Variants in SENP5 observed in about 807,000 individuals in gnomAD.
SENP5 encodes the protein SUMO specific peptidase 5, also known as sentrin-specific protease 5.
SENP5 carries 21 observed loss-of-function variants against 74.2 expected under a neutral mutation model. That is an observed-to-expected ratio of 0.28 (90% CI 0.20 to 0.41). The LOEUF is 0.41. Among genes scored for constraint, SENP5 ranks in the 10% least tolerant of loss-of-function variants. The probability of loss-of-function intolerance (pLI) is 1.00; values close to 1 mark genes in which losing one functional copy is unlikely to be tolerated. For missense variants in SENP5, 717 were observed against 889.1 expected, an observed-to-expected ratio of 0.81 and a Z score of 2.46; for synonymous variants, 311 against 312.7, an observed-to-expected ratio of 0.99 and a Z score of 0.06.
At chr3:196,929,898 G>T (rs1206106794) in intron 9 of SENP5, among the ~76,000 whole-genome samples, 3 of 151,802 alleles carry the variant, frequency 2.0e-5, no homozygotes, top group Non-Finnish European at 4.4e-5. Context: ...GTGAAGTGTG[G>T]GTGTCATCCA....
Position 196,914,605 on chromosome 3 carries a change from A to G in SENP5, c.1885-8809A>G, listed in dbSNP as rs76768406. On this transcript the variant is annotated intron_variant, in intron 6 of 9. Coordinates refer to ENST00000323460, the MANE Select transcript of SENP5 (RefSeq NM_152699.5). ...AAAAAAAATATATATATATATATATATATATATGTCTACACACACATACAT... is the reference window on the plus strand; with the variant it reads ...AAAAAAAATATATATATATATATATGTATATATGTCTACACACACATACAT... 3.0e-4 allele frequency: 37 copies of G among 122,484 alleles called. 1 individual carries two copies. The highest frequency in any genetic ancestry group is 1.2e-3 in the African/African-American group (36 of 30,740). 7.6% of individuals were successfully genotyped at this position (122,484 alleles called of 1,614,324 possible).
chr3:196,894,851 G>A (rs1033329007), intron 2 of SENP5, among the ~76,000 whole-genome samples: 2 of 152,084 alleles, frequency 1.3e-5, no homozygotes, highest in Non-Finnish European at 1.5e-5. Context: ...AAAAAAGTAT[G>A]GTTTTTACTT....
At position 196,899,673 on chromosome 3, in the gene SENP5, A is replaced by G; in HGVS notation, c.1521A>G (p.Leu507=). 1.3e-6 allele frequency: 2 copies of G among 1,597,058 alleles called. No homozygotes were observed. The highest frequency in any genetic ancestry group is 1.1e-5 in the South Asian group (1 of 90,516). Residue 507 remains leucine, a synonymous_variant, in exon 3 of 10, where the codon CTA becomes CTG. Coordinates refer to ENST00000323460, the MANE Select transcript of SENP5 (RefSeq NM_152699.5). ...TTTCTTCCTTTATTTAAGGATTCCT[A>G]GATGAGGTTATGAAGAAGTATGGCA... The part of the protein sequence containing the change: ...EQLSVCLSGF[L]DEVMKKYGSL...
intron 3 of SENP5, 71 bp downstream of exon 3, chr3:196,899,842 T>G (rs1470065632): frequency 6.4e-7 from 1 of 1,570,460 alleles, no homozygotes; most frequent in African/African-American, 1.4e-5. Flanking sequence ...TCTCTTGATT[T>G]ACAGAAGAAA....
intron 1 of SENP5, among the ~76,000 whole-genome samples, chr3:196,868,570 C>T (rs1264019816): frequency 2.6e-5 from 4 of 152,212 alleles, no homozygotes; most frequent in African/African-American, 9.6e-5. Flanking sequence ...CGGTATCAGC[C>T]TCCGCTCTAC....
intron 6 of SENP5, among the ~76,000 whole-genome samples, chr3:196,919,149 C>T (rs1715511962): frequency 6.6e-6 from 1 of 152,102 alleles, no homozygotes; most frequent in Non-Finnish European, 1.5e-5. Flanking sequence ...GCAATAATAG[C>T]TAGAGACCTC....
intron 6 of SENP5, among the ~76,000 whole-genome samples, chr3:196,911,487 G>A (rs1013491733): frequency 1.4e-4 from 21 of 151,766 alleles, no homozygotes; most frequent in Non-Finnish European, 2.2e-4. Flanking sequence ...GACCTGGGAA[G>A]TGGAAGTTGC....
intron 7 of SENP5, 145 bp downstream of exon 7, chr3:196,923,696 C>T: frequency 1.8e-6 from 1 of 555,896 alleles, no homozygotes; most frequent in Non-Finnish European, 3.1e-6. Flanking sequence ...GAGAAAAGGA[C>T]TAGAAGAGGA....
In SENP5 at chr3:196,928,361, T is replaced by C. The variant is rs566718337; in HGVS notation, c.2106+482T>C. ...CATGCTTGGCCCATGACATTCAAAC[T>C]GTGGGGCAGAGTGCCCAGGCACAGC... On this transcript the variant is annotated intron_variant, in intron 8 of 9. Transcript: ENST00000323460. Among the ~76,000 whole-genome samples, 4 of 152,360 alleles carry C rather than the reference T, an allele frequency of 2.6e-5. No individual in the cohort carries two copies. In the East Asian group the frequency reaches 7.7e-4, roughly 29 times the overall value.
rs958486903 is a variant in SENP5, at chr3:196,933,919, A to T, written c.*2996A>T. On this transcript the variant is annotated 3_prime_UTR_variant, in exon 10 of 10. Transcript: ENST00000323460. ...GCCTGGCCTAAACCTTACGCTTTTG[A>T]GGTTGAGTGCAGGCCTTGTGATAAC... is the stretch of plus-strand genomic sequence containing the variant. 1 of 152,082 alleles carries T rather than the reference A, an allele frequency of 6.6e-6. No individual in the cohort carries two copies. The highest frequency in any genetic ancestry group is 2.1e-4 in the South Asian group (1 of 4,830). 9.4% of individuals were successfully genotyped at this position (152,082 alleles called of 1,614,324 possible). A position where few individuals can be genotyped will look rare whatever the true frequency, so the allele number is the denominator to read the frequency against.
chr3:196,915,348 A>G (rs948593309), intron 6 of SENP5, among the ~76,000 whole-genome samples: 2 of 152,128 alleles, frequency 1.3e-5, no homozygotes, highest in Non-Finnish European at 2.9e-5. Context: ...AGTACAGAAT[A>G]TTGTGTCTTG....
intron 6 of SENP5, among the ~76,000 whole-genome samples, chr3:196,908,144 A>G (rs1274511782): frequency 2.0e-5 from 3 of 152,032 alleles, no homozygotes; most frequent in Non-Finnish European, 4.4e-5. Flanking sequence ...TTAGCTGGCC[A>G]TGGTGGCAGC....
At chr3:196,883,229 T>G (rs779884619) in intron 1 of SENP5, among the ~76,000 whole-genome samples, 26 of 152,216 alleles carry the variant, frequency 1.7e-4, no homozygotes, top group Non-Finnish European at 3.1e-4. Context: ...ATCTGGAGTC[T>G]AACTGCTTCT....
At chr3:196,894,887 A>G (rs1714374979) in intron 2 of SENP5, among the ~76,000 whole-genome samples, 1 of 152,216 alleles carries the variant, frequency 6.6e-6, no homozygotes, top group African/African-American at 2.4e-5. Context: ...TTATAGATTA[A>G]TTTAGGGACA....
intron 2 of SENP5, among the ~76,000 whole-genome samples, chr3:196,896,614 G>A (rs752254534): frequency 1.1e-3 from 171 of 152,160 alleles, no homozygotes; most frequent in African/African-American, 3.7e-3. Context: ...TAACATGCCC[G>A]GCTAATTTTT....
chr3:196,913,465 G>T (rs957160864), intron 6 of SENP5: 3 of 151,016 alleles, frequency 2.0e-5, no homozygotes, highest in South Asian at 4.2e-4. Context: ...AGCTATTCGG[G>T]AGGCTGAGGC....
At chr3:196,914,823 A>G (rs557032156) in intron 6 of SENP5, among the ~76,000 whole-genome samples, 6 of 151,870 alleles carry the variant, frequency 4.0e-5, no homozygotes, top group African/African-American at 1.4e-4. Context: ...ACAGCATCTC[A>G]AGGAAAGAGG....
At chr3:196,899,815 T>C in intron 3 of SENP5, 44 bp downstream of exon 3, 1 of 1,556,482 alleles carries the variant, frequency 6.4e-7, no homozygotes, top group South Asian at 1.1e-5. Flanking sequence ...AATAAAATTT[T>C]TGGCATATAT....
intron 9 of SENP5, 44 bp downstream of exon 9, chr3:196,929,727 A>C: frequency 7.2e-7 from 1 of 1,387,818 alleles, no homozygotes; most frequent in Non-Finnish European, 1.0e-6. Flanking sequence ...GTGTGAATTG[A>C]GTCTGTTGGG....
Sources: allele counts gnomAD v4.1 joint callset (sites outside exome capture counted in the v4.1 genomes callset), GRCh38; gene constraint gnomAD v4.1.1; transcripts MANE v1.5; gene names NCBI Gene and HGNC (gene_info 2026-07-23, HGNC 2026-07-21).